PPP1R14D: variants seen among roughly 807,000 people sequenced by gnomAD.
The protein encoded by PPP1R14D is protein phosphatase 1 regulatory subunit 14D.
Under a neutral mutation model 17.1 loss-of-function variants are expected in PPP1R14D, and 14 were observed. The ratio of observed to expected loss-of-function variants is 0.82; its 90% CI spans 0.54 to 1.28. The LOEUF (loss-of-function observed/expected upper bound fraction) is 1.28. PPP1R14D is among the 50% of genes most tolerant of loss of function. PPP1R14D has a pLI of 0.00. For synonymous variants in PPP1R14D, 67 were observed against 66.1 expected, an observed-to-expected ratio of 1.01 and a Z score of -0.06; for missense variants, 173 against 179.2, an observed-to-expected ratio of 0.97 and a Z score of 0.20.
In PPP1R14D at chr15:40,828,488, G is replaced by C. The variant is rs758356917; in HGVS notation, c.154C>G (p.Arg52Gly). Residue 52 changes from arginine to glycine, a missense_variant, in exon 1 of 4, where the codon CGG becomes GGG. Arg to Gly is a moderately radical substitution (Grantham distance 125, BLOSUM62 -2). Transcript: ENST00000299174. ...HPDSSKIPRS[R>G]RPSRLTVKYD... ...TTCACTGTCAGGCGGCTGGGTCTCC[G>C]GGACCTGGGTATCTTGGAGGAGTCC... 12 of 1,614,180 alleles carry C rather than the reference G, an allele frequency of 7.4e-6. No individual in the cohort carries two copies. Among genetic ancestry groups the C allele is most frequent in the South Asian group, 1.1e-5 (1 of 91,080 alleles).
At chr15:40,819,900 C>T (rs1315273489) in intron 1 of PPP1R14D, among the ~76,000 whole-genome samples, 29 of 145,904 alleles carry the variant, frequency 2.0e-4, no homozygotes, top group African/African-American at 7.1e-4. Flanking sequence ...GAGGTTTGCT[C>T]TTGTTGCCCA....
intron 1 of PPP1R14D, among the ~76,000 whole-genome samples, chr15:40,818,168 T>TG (rs1555386018): frequency 6.6e-6 from 1 of 151,000 alleles, no homozygotes; most frequent in Non-Finnish European, 1.5e-5. Flanking sequence ...TGGGTGCCTG[T>TG]GTCCCAGCTA....
intron 3 of PPP1R14D, 82 bp downstream of exon 3, chr15:40,815,880 C>T: frequency 6.6e-7 from 1 of 1,504,554 alleles, no homozygotes; most frequent in South Asian, 1.2e-5. Flanking sequence ...CACAGCCAAG[C>T]CTTCCCTTCA....
chr15:40,819,591 A>G (rs1327909158), intron 1 of PPP1R14D, among the ~76,000 whole-genome samples: 1 of 152,084 alleles, frequency 6.6e-6, no homozygotes, highest in Non-Finnish European at 1.5e-5. Flanking sequence ...AGAACCTCCG[A>G]AAGAGTTCTT....
In PPP1R14D at chr15:40,815,997, A is replaced by G. The variant is rs371161070; in HGVS notation, c.340-3T>C. ...CGGGGGCAGTTCCCAAGAATGGCCT[A>G]GATAGGAGAGAACACAGACAGGGCC... On this transcript the variant is annotated splice_region_variant and splice_polypyrimidine_tract_variant and intron_variant, in intron 2 of 3. Coordinates refer to ENST00000299174, the MANE Select transcript of PPP1R14D (RefSeq NM_017726.8). The G allele has an allele frequency of 1.9e-6, 3 of 1,613,942 alleles. No individual in the cohort carries two copies. The highest frequency in any genetic ancestry group is 2.5e-6 in the Non-Finnish European group (3 of 1,179,998).
At chr15:40,821,132 C>T (rs1213273857) in intron 1 of PPP1R14D, among the ~76,000 whole-genome samples, 1 of 151,722 alleles carries the variant, frequency 6.6e-6, no homozygotes, top group Non-Finnish European at 1.5e-5. Context: ...GTCAGGGGTT[C>T]GAGATCAGCC....
intron 1 of PPP1R14D, among the ~76,000 whole-genome samples, chr15:40,820,189 C>T (rs1467685860): frequency 7.4e-6 from 1 of 136,002 alleles, no homozygotes; most frequent in Non-Finnish European, 1.6e-5. Context: ...GACAGGGTCT[C>T]GCTCTGTCAC....
intron 1 of PPP1R14D, among the ~76,000 whole-genome samples, chr15:40,826,078 G>A (rs1423790774): frequency 6.6e-6 from 1 of 152,170 alleles, no homozygotes. Flanking sequence ...AAGAGCAGTG[G>A]ATATGTCCTG....
chr15:40,819,181 A>G (rs1339211554), intron 1 of PPP1R14D, among the ~76,000 whole-genome samples: 3 of 152,228 alleles, frequency 2.0e-5, no homozygotes. Flanking sequence ...AGTGAAGAAC[A>G]CGACTACTAG....
intron 1 of PPP1R14D, among the ~76,000 whole-genome samples, chr15:40,822,687 A>G (rs928795225): frequency 6.6e-6 from 1 of 152,178 alleles, no homozygotes; most frequent in African/African-American, 2.4e-5. Context: ...TCCCAACCTC[A>G]GGTGATCCAC....
At chr15:40,818,139 A>C (rs1366458045) in intron 1 of PPP1R14D, among the ~76,000 whole-genome samples, 4 of 139,772 alleles carry the variant, frequency 2.9e-5, no homozygotes, top group Non-Finnish European at 6.1e-5. Context: ...AAATACAAAA[A>C]ATTAGCTGGG....
chr15:40,818,882 C>A (rs1353897737), intron 1 of PPP1R14D, among the ~76,000 whole-genome samples: 2 of 151,972 alleles, frequency 1.3e-5, no homozygotes, highest in Admixed American at 6.6e-5. Context: ...AGTGTAAATT[C>A]ATTGATTGTA....
At chr15:40,826,227 AC>A (rs1890866346) in intron 1 of PPP1R14D, among the ~76,000 whole-genome samples, 1 of 152,078 alleles carries the variant, frequency 6.6e-6, no homozygotes, top group African/African-American at 2.4e-5. Flanking sequence ...CTGACACATG[AC>A]CCAGTTAGTT....
At position 40,815,663 on chromosome 15, in the gene PPP1R14D, A is replaced by G; in HGVS notation, c.*33T>C. On this transcript the variant is annotated 3_prime_UTR_variant, in exon 4 of 4. Coordinates refer to ENST00000299174, the MANE Select transcript of PPP1R14D (RefSeq NM_017726.8). ...TCTGGAGTTTCAGGGCAGGCCTGGC[A>G]GTGCTGAGGCTGCTAAAGATGGTCT... is the stretch of plus-strand genomic sequence containing the variant. The G allele has an allele frequency of 6.2e-7, 1 of 1,610,430 alleles. No homozygotes were observed. Among genetic ancestry groups the G allele is most frequent in the Non-Finnish European group, 8.5e-7 (1 of 1,178,474 alleles).
At chr15:40,824,890 G>A (rs775085849) in intron 1 of PPP1R14D, among the ~76,000 whole-genome samples, 17 of 152,086 alleles carry the variant, frequency 1.1e-4, no homozygotes, top group African/African-American at 1.9e-4. Context: ...AACAGAAGCC[G>A]GATTCCAGTG....
chr15:40,828,346 C>G (rs752435764), intron 1 of PPP1R14D, 41 bp downstream of exon 1: 2 of 1,538,354 alleles, frequency 1.3e-6, no homozygotes, highest in Non-Finnish European at 1.7e-6. Flanking sequence ...TGGGTGGACC[C>G]CAGGCCCCCA....
At chr15:40,819,307 C>A (rs1045614632) in intron 1 of PPP1R14D, among the ~76,000 whole-genome samples, 1 of 152,054 alleles carries the variant, frequency 6.6e-6, no homozygotes, top group Non-Finnish European at 1.5e-5. Context: ...TGGCCAGGCG[C>A]GAGGCTGAGG....
In PPP1R14D at chr15:40,816,177, T is replaced by C; in HGVS notation, c.332A>G (p.Gln111Arg). The C allele has an allele frequency of 4.3e-6, 7 of 1,614,092 alleles. No homozygotes were observed. The highest frequency in any genetic ancestry group is 3.4e-6 in the Non-Finnish European group (4 of 1,179,934). The change falls in exon 2 of 4, where the codon CAG becomes CGG. Residue 111 changes from glutamine to arginine, a missense_variant. Physicochemically the swap from Gln to Arg is conservative, Grantham distance 43. Transcript: ENST00000299174. The part of the protein sequence containing the change: ...MDLSTEEQKT[Q>R]LEAILGNCPR... ...TTCTAGCCCCCATCCTACCTCCAGC[T>C]GAGTCTTCTGCTCCTCTGTGGATAG... is the stretch of plus-strand genomic sequence containing the variant.
At position 40,815,573 on chromosome 15, in the gene PPP1R14D, A is replaced by G. The variant is rs1195986319; in HGVS notation, c.*123T>C. ...GACCACACAGACAGTAGGAGTATGC[A>G]AATGTCCCTCCTTGTCCACATTTCT... On this transcript the variant is annotated 3_prime_UTR_variant, in exon 4 of 4. Transcript: ENST00000299174. The G allele has an allele frequency of 3.2e-6, 4 of 1,242,872 alleles. No individual in the cohort carries two copies. In the African/African-American group the frequency reaches 6.0e-5, roughly 19 times the overall value. 77.0% of individuals were successfully genotyped at this position (1,242,872 alleles called of 1,614,324 possible).
Sources: allele counts gnomAD v4.1 joint callset (sites outside exome capture counted in the v4.1 genomes callset), GRCh38; gene constraint gnomAD v4.1.1; transcripts MANE v1.5; gene names NCBI Gene and HGNC (gene_info 2026-07-23, HGNC 2026-07-21).